SYTL3: variants seen among roughly 807,000 people sequenced by gnomAD.
SYTL3 encodes synaptotagmin-like protein 3.
A neutral mutation model predicts 82.1 loss-of-function variants in SYTL3; 88 were observed. The observed-to-expected ratio is 1.07, with a 90% CI of 0.90 to 1.28. The LOEUF is 1.28. Ranked by LOEUF, SYTL3 falls within the 50% of genes most tolerant of loss-of-function variation. SYTL3 has a pLI of 0.00. For synonymous variants in SYTL3, 311 were observed against 289.4 expected (o/e 1.07, Z -0.76); for missense variants, 831 against 757.6 (o/e 1.10, Z -1.14).
At chr6:158,668,413 G>C (rs1252818220) in intron 5 of SYTL3, among the ~76,000 whole-genome samples, 13 of 152,208 alleles carry the variant, frequency 8.5e-5, no homozygotes, top group Non-Finnish European at 4.4e-5. Context: ...ATTTTTAGCA[G>C]AGACGGGGTT....
upstream of SYTL3, among the ~76,000 whole-genome samples, chr6:158,648,129 A>C (rs2128340434): frequency 6.6e-6 from 1 of 152,240 alleles, no homozygotes; most frequent in African/African-American, 2.4e-5. Flanking sequence ...CCCTATCTCT[A>C]CTAAAAATAC....
chr6:158,696,309 C>T (rs968654704), intron 6 of SYTL3, among the ~76,000 whole-genome samples: 11 of 151,924 alleles, frequency 7.2e-5, no homozygotes, highest in African/African-American at 1.7e-4. Context: ...AAGCGATTCC[C>T]GTGTCTCAGC....
chr6:158,749,399 A>G (rs1246572786), intron 12 of SYTL3, among the ~76,000 whole-genome samples: 1 of 148,326 alleles, frequency 6.7e-6, no homozygotes, highest in Non-Finnish European at 1.5e-5. Flanking sequence ...TGAAAAAAAA[A>G]AAAAAAAAAA....
intron 11 of SYTL3, among the ~76,000 whole-genome samples, chr6:158,736,140 A>G (rs1786124321): frequency 6.6e-6 from 1 of 152,092 alleles, no homozygotes; most frequent in Non-Finnish European, 1.5e-5. Flanking sequence ...TCACAAGGTC[A>G]GGAGTTTGAG....
chr6:158,722,566 A>G (rs1373182303), intron 10 of SYTL3, among the ~76,000 whole-genome samples: 1 of 152,068 alleles, frequency 6.6e-6, no homozygotes, highest in Non-Finnish European at 1.5e-5. Context: ...CAAGAAGTGA[A>G]TTCTTACCTC....
At chr6:158,665,747 G>T in intron 5 of SYTL3, 134 bp downstream of exon 5, 1 of 601,750 alleles carries the variant, frequency 1.7e-6, no homozygotes, top group South Asian at 2.6e-5. Flanking sequence ...CTGATAGGGA[G>T]CTACCTTTCT....
At chr6:158,684,240 G>A (rs1779050914) in intron 6 of SYTL3, among the ~76,000 whole-genome samples, 2 of 152,318 alleles carry the variant, frequency 1.3e-5, no homozygotes, top group Admixed American at 6.5e-5. Flanking sequence ...TAGAGCAAGT[G>A]GCTTTGAAAT....
intron 2 of SYTL3, among the ~76,000 whole-genome samples, chr6:158,657,708 A>G (rs1016272763): frequency 6.6e-6 from 1 of 152,178 alleles, no homozygotes; most frequent in Non-Finnish European, 1.5e-5. Context: ...ATCAAATCAT[A>G]TTAAGGACAT....
At chr6:158,663,599 A>G (rs1789635605) in intron 4 of SYTL3, 1 of 985,186 alleles carries the variant, frequency 1.0e-6, no homozygotes, top group Non-Finnish European at 1.2e-6. Flanking sequence ...CGCTCTTGTT[A>G]TTCATTTAAA....
chr6:158,750,557 C>T (rs555186233), intron 12 of SYTL3, among the ~76,000 whole-genome samples: 220 of 152,188 alleles, frequency 1.4e-3, no homozygotes, highest in African/African-American at 4.9e-3. Flanking sequence ...CTTGCTTTGC[C>T]GTCTAGGCTG....
chr6:158,722,147 T>G (rs931536591), intron 10 of SYTL3, among the ~76,000 whole-genome samples: 14 of 151,400 alleles, frequency 9.2e-5, no homozygotes, highest in Non-Finnish European at 1.6e-4. Context: ...AACTTTCTTT[T>G]TTTGTTTGTT....
intron 5 of SYTL3, among the ~76,000 whole-genome samples, chr6:158,667,796 G>A (rs747070285): frequency 3.4e-4 from 52 of 152,300 alleles, no homozygotes; most frequent in Middle Eastern, 3.4e-3. Context: ...AGAACAAGAG[G>A]CCTGTGGCAG....
At chr6:158,738,045 C>CT (rs1786446531) in intron 11 of SYTL3, among the ~76,000 whole-genome samples, 1 of 152,170 alleles carries the variant, frequency 6.6e-6, no homozygotes, top group Admixed American at 6.5e-5. Context: ...TGGGTGCCAA[C>CT]CTGGACAAGC....
chr6:158,679,319 G>A (rs566286293), intron 5 of SYTL3, among the ~76,000 whole-genome samples: 1 of 151,996 alleles, frequency 6.6e-6, no homozygotes, highest in Non-Finnish European at 1.5e-5. Context: ...GCAGTGAGCC[G>A]AGATTATGCC....
intron 6 of SYTL3, among the ~76,000 whole-genome samples, chr6:158,696,672 T>C (rs1455789207): frequency 6.6e-6 from 1 of 152,122 alleles, no homozygotes; most frequent in African/African-American, 2.4e-5. Context: ...TGGAGAAATG[T>C]CTATTCAAGT....
intron 4 of SYTL3, 59 bp downstream of exon 4, chr6:158,663,437 G>C: frequency 6.3e-7 from 1 of 1,591,988 alleles, no homozygotes; most frequent in Non-Finnish European, 8.5e-7. Context: ...CTTGGGGCCT[G>C]CCACTCCGTC....
chr6:158,683,323 C>T (rs560598178), intron 6 of SYTL3, among the ~76,000 whole-genome samples: 97 of 147,556 alleles, frequency 6.6e-4, no homozygotes, highest in African/African-American at 2.2e-3. Context: ...TAGGTTTAAA[C>T]GATTCTCCTG....
intron 5 of SYTL3, among the ~76,000 whole-genome samples, chr6:158,672,057 G>T (rs562064288): frequency 1.5e-3 from 224 of 152,220 alleles, no homozygotes; most frequent in African/African-American, 5.2e-3. Flanking sequence ...TTGGGAGGCC[G>T]AGGTGGGCAG....
intron 14 of SYTL3, among the ~76,000 whole-genome samples, chr6:158,759,284 T>TCCGCCCACAGAC (rs1789579331): frequency 6.6e-6 from 1 of 151,942 alleles, no homozygotes; most frequent in South Asian, 2.1e-4. Flanking sequence ...GGGTGGGGAG[T>TCCGCCCACAGAC]CCGCCCACAG....
Sources: allele counts gnomAD v4.1 joint callset (sites outside exome capture counted in the v4.1 genomes callset), GRCh38; gene constraint gnomAD v4.1.1; transcripts MANE v1.5; gene names NCBI Gene and HGNC (gene_info 2026-07-23, HGNC 2026-07-21).